The following PVT1 variants were observed in gnomAD, a reference collection of about 807,000 sequenced individuals.
The protein encoded by PVT1 is Pvt1 oncogene.
At chr8:127,837,595 G>C (rs1814923916) in intron 2 of PVT1, among the ~76,000 whole-genome samples, 1 of 151,984 alleles carries the variant, frequency 6.6e-6, no homozygotes, top group Non-Finnish European at 1.5e-5. Flanking sequence ...TTTTATTAAA[G>C]AGAAAAAAGG....
chr8:127,882,843 AT>A (rs1265882712), intron 2 of PVT1, among the ~76,000 whole-genome samples: 26 of 152,254 alleles, frequency 1.7e-4, no homozygotes, highest in Admixed American at 9.2e-4. Flanking sequence ...CACACTTAGC[AT>A]GTGAGACTGA....
At chr8:127,887,931 G>GTTTTTTTTTTTT (rs560976785) in intron 2 of PVT1, among the ~76,000 whole-genome samples, 2 of 66,586 alleles carry the variant, frequency 3.0e-5, no homozygotes, top group African/African-American at 1.3e-4. Context: ...ACTCTATCTT[G>GTTTTTTTTTTTT]TTTTTTTTTT....
intron 4 of PVT1, among the ~76,000 whole-genome samples, chr8:128,050,408 T>C (rs1231660510): frequency 1.3e-5 from 2 of 152,218 alleles, no homozygotes; most frequent in Non-Finnish European, 2.9e-5. Flanking sequence ...TCAGGGGGCA[T>C]TAAGTCCACC....
At chr8:127,903,285 G>A (rs1197912492) in intron 3 of PVT1, among the ~76,000 whole-genome samples, 1 of 152,060 alleles carries the variant, frequency 6.6e-6, no homozygotes, top group African/African-American at 2.4e-5. Flanking sequence ...GGGATTATTT[G>A]CTTCTTTGCT....
At chr8:128,031,343 G>A (rs985200540) in intron 4 of PVT1, among the ~76,000 whole-genome samples, 2 of 152,244 alleles carry the variant, frequency 1.3e-5, no homozygotes, top group South Asian at 2.1e-4. Context: ...GCTGCAGAAA[G>A]CAGCACAAAT....
intron 4 of PVT1, among the ~76,000 whole-genome samples, chr8:128,059,163 G>T (rs1412343947): frequency 6.6e-6 from 1 of 152,156 alleles, no homozygotes; most frequent in Admixed American, 6.5e-5. Context: ...CAATGACTCT[G>T]CTTCTTTTCT....
chr8:127,900,945 T>C (rs1815751716), intron 3 of PVT1, among the ~76,000 whole-genome samples: 1 of 151,966 alleles, frequency 6.6e-6, no homozygotes. Context: ...CTGAATGGGG[T>C]GAATTCTGGA....
At chr8:128,026,159 T>C (rs889313907) in intron 4 of PVT1, among the ~76,000 whole-genome samples, 3 of 152,088 alleles carry the variant, frequency 2.0e-5, no homozygotes, top group Non-Finnish European at 4.4e-5. Flanking sequence ...GCCAGGCTGG[T>C]CTCAAACTCC....
chr8:127,927,742 C>A (rs186744992), intron 3 of PVT1, among the ~76,000 whole-genome samples: 6 of 152,294 alleles, frequency 3.9e-5, no homozygotes, highest in Non-Finnish European at 7.4e-5. Context: ...ATCTGTAAGC[C>A]GTGCTGACCC....
chr8:127,991,140 CTTTTTTT>C (rs35494368), intron 4 of PVT1, among the ~76,000 whole-genome samples: 14 of 73,100 alleles, frequency 1.9e-4, no homozygotes, highest in Non-Finnish European at 2.8e-4. Flanking sequence ...TCTTTTCTTT[CTTTTTTT>C]TTTTTTTTTT....
intron 4 of PVT1, among the ~76,000 whole-genome samples, chr8:128,015,054 G>GATTTATTT (rs59316636): frequency 0.06 from 8,704 of 146,008 alleles, 270 homozygotes; most frequent in East Asian, 0.08. Flanking sequence ...AAGAGAAATA[G>GATTTATTT]ATTTATTTAT....
At chr8:127,977,333 C>G (rs1816832999) in intron 3 of PVT1, among the ~76,000 whole-genome samples, 1 of 152,066 alleles carries the variant, frequency 6.6e-6, no homozygotes, top group Admixed American at 6.5e-5. Flanking sequence ...TGGGTTCTGC[C>G]CCTGAAGCTG....
At chr8:127,904,535 C>T (rs961755399) in intron 3 of PVT1, among the ~76,000 whole-genome samples, 3 of 152,122 alleles carry the variant, frequency 2.0e-5, no homozygotes, top group East Asian at 3.9e-4. Context: ...TCTCTGGCCT[C>T]GTTATACCTG....
At chr8:127,999,236 G>A (rs1439160382) in intron 4 of PVT1, 1 of 152,174 alleles carries the variant, frequency 6.6e-6, no homozygotes, top group Non-Finnish European at 1.5e-5. Flanking sequence ...TCCCCCAAAT[G>A]TGGGAGACTT....
intron 2 of PVT1, among the ~76,000 whole-genome samples, chr8:127,808,816 G>A (rs1418154124): frequency 1.3e-5 from 2 of 151,864 alleles, no homozygotes; most frequent in Non-Finnish European, 1.5e-5. Flanking sequence ...GATCACTTGA[G>A]GTCAGGAGTT....
chr8:127,796,335 C>G (rs1814396204), intron 2 of PVT1, among the ~76,000 whole-genome samples: 1 of 152,144 alleles, frequency 6.6e-6, no homozygotes, highest in African/African-American at 2.4e-5. Context: ...GTTTCTGTGG[C>G]TGGAGCTTTT....
chr8:127,874,533 G>A (rs1273812371), intron 2 of PVT1, among the ~76,000 whole-genome samples: 1 of 152,122 alleles, frequency 6.6e-6, no homozygotes. Flanking sequence ...TGGTGCTATG[G>A]TTTTGTCACC....
intron 3 of PVT1, among the ~76,000 whole-genome samples, chr8:127,971,161 G>C (rs536148990): frequency 2.3e-4 from 35 of 152,366 alleles, no homozygotes; most frequent in African/African-American, 8.4e-4. Context: ...ACTAGTCGGA[G>C]CTATTTTTTT....
chr8:127,827,378 C>T (rs1418742955), intron 2 of PVT1, among the ~76,000 whole-genome samples: 2 of 152,194 alleles, frequency 1.3e-5, no homozygotes, highest in Non-Finnish European at 2.9e-5. Context: ...ATATGTTAGA[C>T]TGAGTCCTAG....
Sources: gnomAD v4.1 joint callset for allele counts (sites outside exome capture counted in the v4.1 genomes callset) on GRCh38, gnomAD v4.1.1 for gene constraint, MANE v1.5 for transcripts, NCBI Gene and HGNC (gene_info 2026-07-23, HGNC 2026-07-21) for gene names.